The following PPARGC1A variants were observed in gnomAD, a reference collection of about 807,000 sequenced individuals.
The protein encoded by PPARGC1A is PPARG coactivator 1 alpha, also known as peroxisome proliferator-activated receptor gamma coactivator 1-alpha.
In PPARGC1A, 25 loss-of-function variants were observed where a neutral mutation model predicts 88.7. The ratio of observed to expected loss-of-function variants is 0.28; its 90% confidence interval spans 0.21 to 0.39. PPARGC1A has a LOEUF of 0.39. Ranked by LOEUF, PPARGC1A falls within the 10% of genes least tolerant of loss-of-function variation. The pLI, the probability that PPARGC1A is intolerant of heterozygous loss-of-function variation, is 1.00. For missense variants in PPARGC1A, 880 were observed against 968.7 expected, an observed-to-expected ratio of 0.91 and a Z score of 1.22; for synonymous variants, 363 against 355.6, an observed-to-expected ratio of 1.02 and a Z score of -0.24.
the PPARGC1A span, among the ~76,000 whole-genome samples, chr4:24,056,899 C>T: frequency 6.6e-6 from 1 of 152,084 alleles, no homozygotes; most frequent in African/African-American, 2.4e-5. Flanking sequence ...GGTGGTTCCT[C>T]GAAAAATTAA....
At chr4:24,114,483 C>G in the PPARGC1A span, among the ~76,000 whole-genome samples, 1 of 152,184 alleles carries the variant, frequency 6.6e-6, no homozygotes, top group African/African-American at 2.4e-5. Context: ...CTCCACCTCA[C>G]CAGACAGTGT....
the PPARGC1A span, among the ~76,000 whole-genome samples, chr4:24,433,359 G>A: frequency 9.9e-5 from 15 of 151,972 alleles, 2 homozygotes; most frequent in South Asian, 3.1e-3. Flanking sequence ...ACTTCGCTCT[G>A]GGGGGGACAG....
At chr4:23,853,173 T>C (rs1231677658) in intron 2 of PPARGC1A, among the ~76,000 whole-genome samples, 2 of 152,194 alleles carry the variant, frequency 1.3e-5, no homozygotes, top group Non-Finnish European at 2.9e-5. Flanking sequence ...TCAAAATTTT[T>C]AAATACACAA....
the PPARGC1A span, among the ~76,000 whole-genome samples, chr4:24,344,481 T>G: frequency 6.6e-5 from 10 of 152,216 alleles, no homozygotes; most frequent in Non-Finnish European, 8.8e-5. Flanking sequence ...GGTTTTGATT[T>G]GCATTTCCCT....
At chr4:24,004,271 A>G in the PPARGC1A span, among the ~76,000 whole-genome samples, 4 of 152,224 alleles carry the variant, frequency 2.6e-5, no homozygotes, top group African/African-American at 9.6e-5. Context: ...GAGAGGAAAC[A>G]ATACTTTTAA....
chr4:24,233,310 C>A, the PPARGC1A span, among the ~76,000 whole-genome samples: 1 of 152,174 alleles, frequency 6.6e-6, no homozygotes, highest in South Asian at 2.1e-4. Context: ...ATGTATCATA[C>A]ATAAGCCATT....
intron 10 of PPARGC1A, among the ~76,000 whole-genome samples, chr4:23,802,859 C>T (rs1373740677): frequency 6.6e-6 from 1 of 152,092 alleles, no homozygotes; most frequent in African/African-American, 2.4e-5. Flanking sequence ...TTCTTGCTCA[C>T]ATAGATTCTT....
intron 2 of PPARGC1A, among the ~76,000 whole-genome samples, chr4:23,856,247 C>A (rs915445832): frequency 1.3e-5 from 2 of 152,164 alleles, no homozygotes; most frequent in Non-Finnish European, 2.9e-5. Context: ...AAACGCTGAA[C>A]TTTTGCAGCC....
the PPARGC1A span, among the ~76,000 whole-genome samples, chr4:24,090,201 T>C: frequency 6.6e-6 from 1 of 152,136 alleles, no homozygotes; most frequent in Non-Finnish European, 1.5e-5. Context: ...TAACATACCA[T>C]AAAATATTTG....
the PPARGC1A span, among the ~76,000 whole-genome samples, chr4:24,174,479 G>A: frequency 6.6e-6 from 1 of 152,290 alleles, no homozygotes; most frequent in African/African-American, 2.4e-5. Context: ...AGTGGCCAAA[G>A]GATTTACTAT....
At chr4:24,427,958 T>G in the PPARGC1A span, among the ~76,000 whole-genome samples, 18 of 151,820 alleles carry the variant, frequency 1.2e-4, no homozygotes, top group Admixed American at 9.2e-4. Context: ...AAAAAAAAAT[T>G]TTTTTAATTA....
the PPARGC1A span, among the ~76,000 whole-genome samples, chr4:24,383,111 C>A: frequency 3.9e-5 from 6 of 152,288 alleles, no homozygotes; most frequent in East Asian, 5.8e-4. Flanking sequence ...CTCCAGCAAA[C>A]TTCAGCAGAC....
chr4:23,813,314 C>T (rs1721297367), intron 8 of PPARGC1A, among the ~76,000 whole-genome samples, 189 bp from the exon 9 acceptor site: 1 of 152,170 alleles, frequency 6.6e-6, no homozygotes, highest in Non-Finnish European at 1.5e-5. Context: ...GTGATGTGCT[C>T]TCTCTCAGCG....
the PPARGC1A span, among the ~76,000 whole-genome samples, chr4:24,120,381 G>A: frequency 6.6e-6 from 1 of 152,146 alleles, no homozygotes; most frequent in South Asian, 2.1e-4. Flanking sequence ...CTCTGGCAGA[G>A]ACAATGGCAT....
chr4:23,886,705 A>G (rs1264606230), intron 1 of PPARGC1A, among the ~76,000 whole-genome samples: 1 of 152,116 alleles, frequency 6.6e-6, no homozygotes, highest in African/African-American at 2.4e-5. Context: ...TGTGGATGTA[A>G]CACTGCCCAG....
At chr4:23,881,972 A>C (rs1464483727) in intron 2 of PPARGC1A, 1 of 152,202 alleles carries the variant, frequency 6.6e-6, no homozygotes, top group African/African-American at 2.4e-5. Context: ...TTCACAGGGA[A>C]GACCCAATTT....
intron 2 of PPARGC1A, among the ~76,000 whole-genome samples, chr4:23,871,116 C>G (rs567156278): frequency 1.3e-5 from 2 of 152,148 alleles, no homozygotes; most frequent in Admixed American, 1.3e-4. Context: ...CTGCCAAGAC[C>G]AGGCAACATT....
chr4:24,465,143 G>A, the PPARGC1A span, among the ~76,000 whole-genome samples: 2 of 152,114 alleles, frequency 1.3e-5, no homozygotes, highest in African/African-American at 4.8e-5. Context: ...TGGGATTACA[G>A]GTGCGAAAAA....
chr4:24,364,743 A>G, the PPARGC1A span, among the ~76,000 whole-genome samples: 9 of 152,142 alleles, frequency 5.9e-5, no homozygotes, highest in Non-Finnish European at 1.5e-5. Context: ...GTGTGGACCC[A>G]TATACATGTA....
Sources: allele counts gnomAD v4.1 joint callset (sites outside exome capture counted in the v4.1 genomes callset), GRCh38; gene constraint gnomAD v4.1.1; transcripts MANE v1.5; gene names NCBI Gene and HGNC (gene_info 2026-07-23, HGNC 2026-07-21).